The following XPO4 variants were observed in gnomAD, a reference collection of about 807,000 sequenced individuals.
XPO4 encodes exportin-4.
Under a neutral mutation model 143.0 loss-of-function variants are expected in XPO4, and 39 were observed. The ratio of observed to expected loss-of-function variants is 0.27; its 90% CI spans 0.21 to 0.36. The LOEUF (loss-of-function observed/expected upper bound fraction) is 0.36, where lower values mean the gene tolerates loss of function less well. Among genes scored for constraint, XPO4 ranks in the 10% least tolerant of loss-of-function variants. The pLI is 1.00. For missense variants in XPO4, 907 were observed against 1,348.0 expected, an observed-to-expected ratio of 0.67 and a Z score of 5.12; for synonymous variants, 439 against 474.0, an observed-to-expected ratio of 0.93 and a Z score of 0.96.
Position 20,800,944 on chromosome 13 carries a change from T to C in XPO4, c.1864A>G (p.Ile622Val), listed in dbSNP as rs756000212. The C allele has an allele frequency of 4.3e-6, 7 of 1,614,012 alleles. No individual in the cohort carries two copies. Among genetic ancestry groups the C allele is most frequent in the East Asian group, 2.2e-5 (1 of 44,838 alleles). ...AGTAGATGAGTGAGATCTGCTCTTA[T>C]TGCTCGAGATTCAACTTCTGAAACT... ...LRVSEVESRA[I>V]RADLTHLLSP... The change falls in exon 14 of 23, where the codon ATA (isoleucine) becomes GTA (valine). Residue 622 changes from isoleucine to valine, a missense_variant. Transcript: ENST00000255305.
At chr13:20,861,775 CTCTTTTTT>C (rs2060201720) in intron 3 of XPO4, among the ~76,000 whole-genome samples, 1 of 123,212 alleles carries the variant, frequency 8.1e-6, no homozygotes, top group African/African-American at 3.2e-5. Context: ...GCACATTTCT[CTCTTTTTT>C]TTTTTTTTTT....
At chr13:20,847,892 AAT>A (rs1463940250) in intron 4 of XPO4, among the ~76,000 whole-genome samples, 4 of 152,260 alleles carry the variant, frequency 2.6e-5, no homozygotes, top group African/African-American at 9.6e-5. Context: ...GAATTAAGTT[AAT>A]ATGTTAATTT....
intron 9 of XPO4, 45 bp downstream of exon 9, chr13:20,821,659 T>G: frequency 1.9e-6 from 3 of 1,562,994 alleles, no homozygotes; most frequent in Non-Finnish European, 2.6e-6. Context: ...CACCGCAAAT[T>G]TCCTTGTGAA....
intron 21 of XPO4, among the ~76,000 whole-genome samples, 158 bp from the exon 22 acceptor site, chr13:20,787,215 A>T (rs1189440247): frequency 1.3e-5 from 2 of 152,228 alleles, no homozygotes; most frequent in Non-Finnish European, 2.9e-5. Context: ...TACCTTACAG[A>T]TATTGCTACT....
intron 4 of XPO4, chr13:20,848,158 A>G (rs867007905): frequency 7.8e-5 from 66 of 849,296 alleles, no homozygotes; most frequent in African/African-American, 6.8e-4. Context: ...GACTGCCACT[A>G]ACAGGTAGTT....
intron 6 of XPO4, among the ~76,000 whole-genome samples, chr13:20,828,101 G>A (rs150271248): frequency 6.6e-6 from 1 of 152,270 alleles, no homozygotes; most frequent in Non-Finnish European, 1.5e-5. Flanking sequence ...GCTGGGCATG[G>A]TGGCAGGCAC....
At chr13:20,810,940 T>C (rs1392720595) in intron 9 of XPO4, among the ~76,000 whole-genome samples, 1 of 152,132 alleles carries the variant, frequency 6.6e-6, no homozygotes, top group Non-Finnish European at 1.5e-5. Context: ...AGAGAAAAAT[T>C]ATCAGAGAAA....
chr13:20,882,043 G>C (rs968412091), intron 1 of XPO4, among the ~76,000 whole-genome samples: 1 of 148,336 alleles, frequency 6.7e-6, no homozygotes, highest in South Asian at 2.1e-4. Flanking sequence ...CTGGAAGGTA[G>C]AGGTTGCAGT....
At chr13:20,796,019 G>T in intron 18 of XPO4, 57 bp downstream of exon 18, 1 of 1,471,406 alleles carries the variant, frequency 6.8e-7, no homozygotes, top group Non-Finnish European at 9.2e-7. Flanking sequence ...ACAATCCTTT[G>T]ATTTAATAAA....
In XPO4 at chr13:20,779,991, A is replaced by C. The variant is rs879026157; in HGVS notation, c.*3731T>G. Reference sequence around the variant, plus strand: ...TCAGAACATAGTTACCAAGTCAGAGAATAACCACTTATATTTTAAAAAGAT... The same window carrying C: ...TCAGAACATAGTTACCAAGTCAGAGCATAACCACTTATATTTTAAAAAGAT... On this transcript the variant is annotated 3_prime_UTR_variant, in exon 23 of 23. Coordinates refer to ENST00000255305, the MANE Select transcript of XPO4 (RefSeq NM_022459.5). 6.6e-6 allele frequency: 1 copy of C among 152,354 alleles called. No individual in the cohort carries two copies. The highest frequency in any genetic ancestry group is 2.1e-4 in the South Asian group (1 of 4,834). The allele number at this position is 152,354 out of a possible 1,614,324, so 9.4% of individuals were successfully genotyped here. A position where few individuals can be genotyped will look rare whatever the true frequency, so the allele number is the denominator to read the frequency against.
At chr13:20,812,034 A>C (rs2059589498) in intron 9 of XPO4, among the ~76,000 whole-genome samples, 1 of 152,192 alleles carries the variant, frequency 6.6e-6, no homozygotes, top group African/African-American at 2.4e-5. Context: ...ATTTATTTTT[A>C]AAGTTGAAAA....
intron 22 of XPO4, among the ~76,000 whole-genome samples, chr13:20,784,120 G>C (rs1001483181): frequency 6.6e-6 from 1 of 152,114 alleles, no homozygotes; most frequent in Non-Finnish European, 1.5e-5. Context: ...ACAATGCTTC[G>C]AGACAGGTAC....
intron 1 of XPO4, among the ~76,000 whole-genome samples, chr13:20,876,033 T>C (rs1045004965): frequency 2.0e-5 from 3 of 147,104 alleles, no homozygotes; most frequent in Non-Finnish European, 4.4e-5. Flanking sequence ...GTGGATCACC[T>C]GAGATCAGGA....
intron 22 of XPO4, 75 bp from the exon 23 acceptor site, chr13:20,783,994 T>C: frequency 6.9e-7 from 1 of 1,453,488 alleles, no homozygotes; most frequent in Admixed American, 1.7e-5. Flanking sequence ...GTTACTGGAC[T>C]GTGGGGTTCT....
Position 20,828,339 on chromosome 13 carries a change from A to G in XPO4, c.728-1160T>C, listed in dbSNP as rs2059811238. 2.6e-5 allele frequency among the ~76,000 whole-genome samples: 4 copies of G among 152,200 alleles called. No homozygotes were observed. The South Asian group carries it at 8.3e-4, about 32-fold the overall frequency. On this transcript the variant is annotated intron_variant, in intron 6 of 22. Transcript: ENST00000255305. Reference sequence around the variant, plus strand: ...GACTATGCAACATTCACATCACTCAATGAGAAATCTTAATGATAATCACCC... The same window carrying G: ...GACTATGCAACATTCACATCACTCAGTGAGAAATCTTAATGATAATCACCC...
chr13:20,790,855 G>A (rs9509375), intron 18 of XPO4, among the ~76,000 whole-genome samples: 1 of 152,108 alleles, frequency 6.6e-6, no homozygotes. Context: ...TATTGGGGAG[G>A]TTAAGAGCAG....
rs377612130 is a variant in XPO4, at chr13:20,827,050, T to C, written c.840+17A>G. The C allele has an allele frequency of 6.4e-7, 1 of 1,559,350 alleles. No homozygotes were observed. Among genetic ancestry groups the C allele is most frequent in the African/African-American group, 1.4e-5 (1 of 73,822 alleles). On this transcript the variant is annotated intron_variant, in intron 7 of 22. Coordinates refer to ENST00000255305, the MANE Select transcript of XPO4 (RefSeq NM_022459.5). ...TTTCTATGGCTCTTGCTACCAGAGA[T>C]GAAGACTAAAACTTACTGTGAAGAA...
chr13:20,809,312 G>T, intron 10 of XPO4, 87 bp from the exon 11 acceptor site: 1 of 1,471,422 alleles, frequency 6.8e-7, no homozygotes, highest in Non-Finnish European at 9.1e-7. Flanking sequence ...AGCTTAGATA[G>T]CTAAGCACTG....
At chr13:20,851,278 T>C (rs1022366734) in intron 4 of XPO4, 8 of 985,306 alleles carry the variant, frequency 8.1e-6, no homozygotes, top group Middle Eastern at 1.0e-3. Flanking sequence ...TAACCTGCCA[T>C]ATAGAGAATA....
Sources: allele counts gnomAD v4.1 joint callset (sites outside exome capture counted in the v4.1 genomes callset), GRCh38; gene constraint gnomAD v4.1.1; transcripts MANE v1.5; gene names NCBI Gene and HGNC (gene_info 2026-07-23, HGNC 2026-07-21).